Variants in MFSD11 observed in about 807,000 individuals in gnomAD.
MFSD11 encodes the protein major facilitator superfamily domain containing 11.
A neutral mutation model predicts 53.5 loss-of-function variants in MFSD11; 36 were observed. The ratio of observed to expected loss-of-function variants is 0.67; its 90% CI spans 0.52 to 0.89. The LOEUF is 0.89. MFSD11 is among the 40% of genes least tolerant of loss of function. The pLI, the probability that MFSD11 is intolerant of heterozygous loss-of-function variation, is 0.00. For missense variants in MFSD11, 530 were observed against 543.9 expected, an observed-to-expected ratio of 0.97 and a Z score of 0.25; for synonymous variants, 186 against 184.9, an observed-to-expected ratio of 1.01 and a Z score of -0.05.
At chr17:76,741,822 A>G (rs2078110715) in intron 3 of MFSD11, 147 bp from the exon 4 acceptor site, 1 of 1,246,804 alleles carries the variant, frequency 8.0e-7, no homozygotes, top group South Asian at 1.4e-5. Flanking sequence ...GAGAAAGTTG[A>G]TTGTGTCCCT....
At chr17:76,737,740 T>C, upstream of MFSD11, 1 of 163,694 alleles carries the variant, frequency 6.1e-6, no homozygotes, top group East Asian at 1.5e-4. Context: ...CTCATTTGCC[T>C]CTCCCTGTGA....
At chr17:76,787,864 A>G in the MFSD11 span, among the ~76,000 whole-genome samples, 2 of 149,862 alleles carry the variant, frequency 1.3e-5, no homozygotes, top group East Asian at 3.9e-4. Context: ...TAAAATAGCA[A>G]TCATAAAACT....
At chr17:76,777,616 T>C (rs1386641015) in intron 12 of MFSD11, among the ~76,000 whole-genome samples, 1 of 152,222 alleles carries the variant, frequency 6.6e-6, no homozygotes, top group Non-Finnish European at 1.5e-5. Flanking sequence ...TTGTGTTTTT[T>C]AAATGAAAGT....
At chr17:76,778,031 G>T (rs2082000895) in intron 12 of MFSD11, among the ~76,000 whole-genome samples, 157 bp from the exon 13 acceptor site, 1 of 152,238 alleles carries the variant, frequency 6.6e-6, no homozygotes, top group East Asian at 1.9e-4. Flanking sequence ...ATGTTTGTGA[G>T]TCAGTGACTG....
rs1403244817 is a variant in MFSD11 at position 76,767,442 on chromosome 17, G to A, written c.739G>A (p.Ala247Thr). ...GATGCTCCTTCTTAGTATTACAACT[G>A]CTTATACAGGTAATGGAATTACTGT... ...KEMLLLSITT[A>T]YTGLELTFFS... The change falls in exon 9 of 13, where the codon GCT becomes ACT. Residue 247 changes from alanine to threonine, a missense_variant. Coordinates refer to ENST00000685175, the MANE Select transcript of MFSD11 (RefSeq NM_001242532.5). 1.3e-6 allele frequency: 2 copies of A among 1,586,784 alleles called. No individual in the cohort carries two copies. The highest frequency in any genetic ancestry group is 1.7e-5 in the Admixed American group (1 of 59,330).
intron 7 of MFSD11, among the ~76,000 whole-genome samples, chr17:76,746,899 A>G (rs957126885): frequency 6.6e-6 from 1 of 152,030 alleles, no homozygotes; most frequent in Non-Finnish European, 1.5e-5. Flanking sequence ...CCCCTGGATC[A>G]AGGAGTAATT....
intron 10 of MFSD11, among the ~76,000 whole-genome samples, chr17:76,770,198 C>G (rs981873876): frequency 1.3e-5 from 2 of 151,830 alleles, no homozygotes; most frequent in South Asian, 2.1e-4. Context: ...CCACTATGCC[C>G]GGCTAATTTT....
intron 7 of MFSD11, among the ~76,000 whole-genome samples, chr17:76,745,885 T>G (rs193275318): frequency 6.6e-6 from 1 of 152,178 alleles, no homozygotes; most frequent in Non-Finnish European, 1.5e-5. Context: ...TGGAGTGCAG[T>G]GGCATGATCT....
At chr17:76,798,656 G>T in the MFSD11 span, among the ~76,000 whole-genome samples, 2 of 152,130 alleles carry the variant, frequency 1.3e-5, no homozygotes, top group African/African-American at 2.4e-5. Context: ...ATCACATCTA[G>T]TAAAGGTCTG....
chr17:76,755,778 G>GTATACATA (rs2079515581), intron 8 of MFSD11, among the ~76,000 whole-genome samples: 1 of 73,580 alleles, frequency 1.4e-5, no homozygotes, highest in Non-Finnish European at 2.7e-5. Flanking sequence ...ACGTGTGTGT[G>GTATACATA]TGTGTGTGTA....
At chr17:76,774,729 G>A (rs1026300152) in intron 10 of MFSD11, among the ~76,000 whole-genome samples, 1 of 152,220 alleles carries the variant, frequency 6.6e-6, no homozygotes, top group Non-Finnish European at 1.5e-5. Context: ...GGTCAAAGGG[G>A]ATAGCTTGTG....
At chr17:76,777,967 C>T (rs1174980349) in intron 12 of MFSD11, among the ~76,000 whole-genome samples, 2 of 152,148 alleles carry the variant, frequency 1.3e-5, no homozygotes, top group Non-Finnish European at 2.9e-5. Context: ...AACCCCCACA[C>T]CTGGCCAAAA....
Position 76,778,258 on chromosome 17 carries a change from T to G in MFSD11, c.1256T>G (p.Val419Gly). 1 of 1,614,126 alleles carries G rather than the reference T, an allele frequency of 6.2e-7. No homozygotes were observed. The highest frequency in any genetic ancestry group is 8.5e-7 in the Non-Finnish European group (1 of 1,180,020). The change falls in exon 13 of 13, where the codon GTG (valine) becomes GGG (glycine). Residue 419 changes from valine to glycine, a missense_variant. Physicochemically the swap from Val to Gly is moderately radical, Grantham distance 109 (BLOSUM62 -3). Coordinates refer to ENST00000685175, the MANE Select transcript of MFSD11 (RefSeq NM_001242532.5). ...CTTCACTGGCAACTCCTGGTCATGG[T>G]GATATTTGGGTTTTTTGGAACAATT... Reference protein sequence around the residue: ...LLLHWQLLVMVIFGFFGTISF... With the variant: ...LLLHWQLLVMGIFGFFGTISF...
At chr17:76,779,545 C>T (rs1014485045), downstream of MFSD11, among the ~76,000 whole-genome samples, 18 of 152,114 alleles carry the variant, frequency 1.2e-4, no homozygotes, top group African/African-American at 3.9e-4. Context: ...AGTGCAGTGG[C>T]GTGATCTCAG....
In MFSD11 at chr17:76,742,229, C is replaced by A. The variant is rs1046548704; in HGVS notation, c.393C>A (p.Ser131Arg). Residue 131 changes from serine (S) to arginine (R), a missense_variant, in exon 5 of 13, where the codon AGC becomes AGA. Ser to Arg is a moderately radical substitution (Grantham distance 110). Coordinates refer to ENST00000685175, the MANE Select transcript of MFSD11 (RefSeq NM_001242532.5). The stretch of plus-strand genomic sequence containing the variant: ...TGACAATCAATTCGGATGAGCACAG[C>A]ATTGGGAGAAACAGTGGGATTTTCT... Reference protein sequence around the residue: ...NCLTINSDEHSIGRNSGIFWA... With the variant: ...NCLTINSDEHRIGRNSGIFWA... 1.2e-6 allele frequency: 2 copies of A among 1,614,050 alleles called. No individual in the cohort carries two copies. The highest frequency in any genetic ancestry group is 2.7e-5 in the African/African-American group (2 of 74,910).
chr17:76,796,965 C>T, the MFSD11 span, among the ~76,000 whole-genome samples: 6 of 151,608 alleles, frequency 4.0e-5, no homozygotes, highest in African/African-American at 1.2e-4. Flanking sequence ...GTCAGGAGTT[C>T]GAGACCAGCC....
intron 8 of MFSD11, among the ~76,000 whole-genome samples, chr17:76,761,163 CTGT>C (rs1446406875): frequency 6.6e-6 from 1 of 152,152 alleles, no homozygotes; most frequent in Non-Finnish European, 1.5e-5. Flanking sequence ...CGAGATCGTG[CTGT>C]TGTGCTGCAG....
chr17:76,802,771 G>A, the MFSD11 span, among the ~76,000 whole-genome samples: 3 of 151,852 alleles, frequency 2.0e-5, no homozygotes, highest in African/African-American at 4.8e-5. Context: ...CCCAGCTACC[G>A]CATGAGTACA....
the MFSD11 span, among the ~76,000 whole-genome samples, chr17:76,786,975 C>G: frequency 1.3e-5 from 2 of 151,998 alleles, no homozygotes; most frequent in African/African-American, 4.8e-5. Context: ...CCACCATGCC[C>G]GGCTAATTTT....
Sources: gnomAD v4.1 joint callset for allele counts (sites outside exome capture counted in the v4.1 genomes callset) on GRCh38, gnomAD v4.1.1 for gene constraint, MANE v1.5 for transcripts, NCBI Gene and HGNC (gene_info 2026-07-23, HGNC 2026-07-21) for gene names.